The following DLGAP2 variants were observed in gnomAD, a reference collection of about 807,000 sequenced individuals.
DLGAP2 encodes DLG associated protein 2, also known as disks large-associated protein 2.
A neutral mutation model predicts 100.3 loss-of-function variants in DLGAP2; 26 were observed. The observed-to-expected ratio is 0.26, with a 90% CI of 0.19 to 0.36. The LOEUF (loss-of-function observed/expected upper bound fraction) is 0.36, where lower values mean the gene tolerates loss of function less well. DLGAP2 is among the 10% of genes least tolerant of loss of function. The probability of loss-of-function intolerance (pLI) is 1.00; values close to 1 mark genes in which losing one functional copy is unlikely to be tolerated. For missense variants in DLGAP2, 1,858 were observed against 1,453.2 expected (o/e 1.28, Z -4.53); for synonymous variants, 886 against 630.1 (o/e 1.41, Z -6.08).
intron 2 of DLGAP2, among the ~76,000 whole-genome samples, chr8:1,208,896 A>G (rs1480429750): frequency 6.6e-6 from 1 of 151,172 alleles, no homozygotes; most frequent in Non-Finnish European, 1.5e-5. Context: ...AAATAAATAA[A>G]TAAATAAATA....
chr8:1,258,922 G>A (rs578116299), intron 3 of DLGAP2, 39 bp downstream of exon 3: 68 of 1,231,074 alleles, frequency 5.5e-5, no homozygotes, highest in Middle Eastern at 3.1e-4. Flanking sequence ...GGCGGGGGCC[G>A]CGCGGCTCAC....
At chr8:965,132 C>T (rs941438013) in intron 2 of DLGAP2, among the ~76,000 whole-genome samples, 7 of 148,498 alleles carry the variant, frequency 4.7e-5, no homozygotes, top group South Asian at 2.1e-4. Context: ...CGCATGCACA[C>T]GGCGCTGTTC....
chr8:1,699,253 C>T (rs762435011), intron 14 of DLGAP2, among the ~76,000 whole-genome samples: 2 of 152,128 alleles, frequency 1.3e-5, no homozygotes, highest in South Asian at 2.1e-4. Context: ...GGGTGGATCA[C>T]GAGGTCAGGA....
intron 1 of DLGAP2, among the ~76,000 whole-genome samples, chr8:791,148 A>G (rs970745720): frequency 1.3e-5 from 2 of 152,238 alleles, no homozygotes; most frequent in Non-Finnish European, 2.9e-5. Context: ...ATGCAAGCAC[A>G]TTGCAGAAAA....
intron 2 of DLGAP2, among the ~76,000 whole-genome samples, chr8:1,254,848 G>A (rs967943725): frequency 9.3e-6 from 1 of 107,972 alleles, no homozygotes. Flanking sequence ...TCCTCCGTGG[G>A]CCTCACTCCC....
At chr8:1,256,334 CATGT>C (rs1563044786) in intron 2 of DLGAP2, among the ~76,000 whole-genome samples, 4 of 71,900 alleles carry the variant, frequency 5.6e-5, no homozygotes, top group African/African-American at 6.8e-5. Flanking sequence ...GTCTGGGTGC[CATGT>C]GTGTGTCCTC....
At chr8:1,220,046 C>T (rs74929247) in intron 2 of DLGAP2, among the ~76,000 whole-genome samples, 6,607 of 152,014 alleles carry the variant, frequency 0.043, 205 homozygotes, top group Non-Finnish European at 0.065. Flanking sequence ...ATTATTTCTT[C>T]TTTCAAAAAA....
chr8:1,323,520 C>G (rs1346115200), intron 3 of DLGAP2, among the ~76,000 whole-genome samples: 1 of 152,182 alleles, frequency 6.6e-6, no homozygotes, highest in African/African-American at 2.4e-5. Flanking sequence ...AGACGCAGTA[C>G]CAGGGCGAGT....
chr8:1,151,513 T>A (rs1232477261), intron 2 of DLGAP2, among the ~76,000 whole-genome samples: 2 of 152,148 alleles, frequency 1.3e-5, no homozygotes, highest in African/African-American at 4.8e-5. Flanking sequence ...TTAGTAAGGC[T>A]TGTTTGCAGA....
At chr8:1,502,024 C>G (rs149780035) in intron 4 of DLGAP2, among the ~76,000 whole-genome samples, 3 of 152,332 alleles carry the variant, frequency 2.0e-5, no homozygotes, top group East Asian at 3.9e-4. Flanking sequence ...CTTACAAGAA[C>G]AAGGCCCAAT....
intron 1 of DLGAP2, among the ~76,000 whole-genome samples, chr8:792,836 T>C (rs1795945335): frequency 6.6e-6 from 1 of 152,254 alleles, no homozygotes; most frequent in Admixed American, 6.5e-5. Flanking sequence ...TAATACAGTG[T>C]TGGATTCTAC....
At position 1,601,272 on chromosome 8, in the gene DLGAP2, A is replaced by T. The variant is rs1402413934; in HGVS notation, c.1443-25468A>T. On this transcript the variant is annotated intron_variant, in intron 6 of 14. Transcript: ENST00000637795. ...TTCGTCCCAGAGGGACTCCTGCCAGATGCCAGCCGGAGCTCTCCTGTGTGA... is the reference window on the plus strand; with the variant it reads ...TTCGTCCCAGAGGGACTCCTGCCAGTTGCCAGCCGGAGCTCTCCTGTGTGA... Among the ~76,000 whole-genome samples, 3 of 152,280 alleles carry T rather than the reference A, an allele frequency of 2.0e-5. 1 individual carries two copies. Among genetic ancestry groups the T allele is most frequent in the South Asian group, 4.1e-4 (2 of 4,828 alleles).
intron 3 of DLGAP2, among the ~76,000 whole-genome samples, chr8:1,315,403 A>C (rs1258041662): frequency 1.2e-4 from 17 of 137,960 alleles, no homozygotes; most frequent in East Asian, 8.5e-4. Flanking sequence ...ACACTCGAGA[A>C]ACTCGGCAGC....
intron 4 of DLGAP2, among the ~76,000 whole-genome samples, 184 bp from the exon 5 acceptor site, chr8:1,548,442 G>C (rs1207066483): frequency 1.6e-5 from 2 of 126,660 alleles, no homozygotes; most frequent in South Asian, 2.8e-4. Context: ...CTGGGCGACA[G>C]AGCGAGACTG....
intron 3 of DLGAP2, among the ~76,000 whole-genome samples, chr8:1,323,073 C>T (rs1385840754): frequency 6.6e-6 from 1 of 151,634 alleles, no homozygotes; most frequent in Admixed American, 6.6e-5. Flanking sequence ...CTCTGTTACC[C>T]AGACTGGAGT....
chr8:1,280,357 A>T (rs760362679), intron 3 of DLGAP2, among the ~76,000 whole-genome samples: 2 of 152,182 alleles, frequency 1.3e-5, no homozygotes, highest in African/African-American at 2.4e-5. Flanking sequence ...TATTTAACTG[A>T]GGAAAATTTT....
At chr8:923,432 G>T (rs532603957) in intron 2 of DLGAP2, among the ~76,000 whole-genome samples, 1 of 152,218 alleles carries the variant, frequency 6.6e-6, no homozygotes, top group East Asian at 1.9e-4. Flanking sequence ...TGCTGATGCC[G>T]CTCTGACCCT....
At chr8:1,528,189 C>G (rs540916571) in intron 4 of DLGAP2, among the ~76,000 whole-genome samples, 1 of 152,214 alleles carries the variant, frequency 6.6e-6, no homozygotes, top group Non-Finnish European at 1.5e-5. Context: ...CTGGGTTCCA[C>G]TGCTGGAACA....
chr8:1,597,299 C>G (rs997193406), intron 6 of DLGAP2, among the ~76,000 whole-genome samples: 2 of 151,616 alleles, frequency 1.3e-5, no homozygotes, highest in Non-Finnish European at 2.9e-5. Context: ...AGCTGGTGTT[C>G]TTTGTCAGCT....
Sources: allele counts gnomAD v4.1 joint callset (sites outside exome capture counted in the v4.1 genomes callset), GRCh38; gene constraint gnomAD v4.1.1; transcripts MANE v1.5; gene names NCBI Gene and HGNC (gene_info 2026-07-23, HGNC 2026-07-21).